The following ATF6 variants were observed in gnomAD, a reference collection of about 807,000 sequenced individuals.
The protein encoded by ATF6 is activating transcription factor 6, also known as cyclic AMP-dependent transcription factor ATF-6 alpha.
ATF6 carries 53 observed loss-of-function variants against 83.6 expected under a neutral mutation model. The ratio of observed to expected loss-of-function variants is 0.63; its 90% CI spans 0.51 to 0.80. The LOEUF (loss-of-function observed/expected upper bound fraction) is 0.80, where lower values mean the gene tolerates loss of function less well. ATF6 is among the 30% of genes least tolerant of loss of function. ATF6 has a pLI of 0.00. For missense variants in ATF6, 744 were observed against 797.9 expected, an observed-to-expected ratio of 0.93 and a Z score of 0.81; for synonymous variants, 288 against 285.8, an observed-to-expected ratio of 1.01 and a Z score of -0.08.
At chr1:161,791,309 C>T (rs12045480) in intron 4 of ATF6, 99 bp from the exon 5 acceptor site, 110,808 of 981,770 alleles carry the variant, frequency 0.11, 9,434 homozygotes, top group Admixed American at 0.35. Context: ...TGAAGTTACC[C>T]TGAAGTGTTT....
chr1:161,781,027 T>G (rs1472435815), intron 2 of ATF6, among the ~76,000 whole-genome samples: 30 of 152,234 alleles, frequency 2.0e-4, no homozygotes, highest in Non-Finnish European at 5.9e-5. Flanking sequence ...ATTGCATTAT[T>G]TATGTATTAA....
chr1:161,867,366 A>G (rs1392488574), intron 14 of ATF6, among the ~76,000 whole-genome samples: 2 of 152,156 alleles, frequency 1.3e-5, no homozygotes, highest in Non-Finnish European at 2.9e-5. Flanking sequence ...AATATAACAA[A>G]ATTAATTCAA....
intron 14 of ATF6, among the ~76,000 whole-genome samples, chr1:161,908,358 T>C (rs1034975833): frequency 6.6e-6 from 1 of 152,210 alleles, no homozygotes; most frequent in Non-Finnish European, 1.5e-5. Flanking sequence ...GAAACGTAAC[T>C]TTGAAGGCTG....
At chr1:161,788,875 C>T (rs1684807413) in intron 4 of ATF6, among the ~76,000 whole-genome samples, 1 of 152,038 alleles carries the variant, frequency 6.6e-6, no homozygotes, top group African/African-American at 2.4e-5. Flanking sequence ...TCTTTTATGC[C>T]TTAGTTCAGT....
intron 14 of ATF6, among the ~76,000 whole-genome samples, chr1:161,896,113 AATCGATAGATAG>A (rs1367806748): frequency 1.3e-5 from 2 of 152,180 alleles, no homozygotes; most frequent in Admixed American, 6.5e-5. Flanking sequence ...TCTATCCATC[AATCGATAGATAG>A]ATGTATTTGT....
chr1:161,846,575 C>T lies in ATF6; in HGVS notation c.1314C>T (p.Ser438=), dbSNP rs773665761. 1.2e-6 allele frequency: 2 copies of T among 1,601,154 alleles called. No individual in the cohort carries two copies. Among genetic ancestry groups the T allele is most frequent in the African/African-American group, 2.7e-5 (2 of 74,250 alleles). ...CAGATGGTATTATCCAGAAAAACAG[C>T]TACAGGTAAGATGGCATGCATCTAT... is the stretch of plus-strand genomic sequence containing the variant. ...DTSDGIIQKN[S]YRYDHSVSND... Residue 438 remains serine, a synonymous_variant, in exon 10 of 16, where the codon AGC becomes AGT. Coordinates refer to ENST00000367942, the MANE Select transcript of ATF6 (RefSeq NM_007348.4).
intron 14 of ATF6, among the ~76,000 whole-genome samples, chr1:161,887,247 C>CTT (rs5778239): frequency 2.2e-4 from 32 of 143,826 alleles, no homozygotes; most frequent in African/African-American, 7.6e-4. Flanking sequence ...AATTTTTGTG[C>CTT]TTTTTTTTTT....
intron 14 of ATF6, among the ~76,000 whole-genome samples, chr1:161,902,407 C>G (rs1284163256): frequency 2.0e-5 from 3 of 152,128 alleles, no homozygotes; most frequent in African/African-American, 7.2e-5. Flanking sequence ...TTCATTTATT[C>G]ATTTGTTGGC....
rs1689125647 is a variant in ATF6 at position 161,962,711 on chromosome 1, C to T, written c.*4057C>T. Reference sequence around the variant, plus strand: ...TTTTCCAGCCATGAAAGCCCTCTTTCCACTGCATACTGATGGGCTGACTCA... The same window carrying T: ...TTTTCCAGCCATGAAAGCCCTCTTTTCACTGCATACTGATGGGCTGACTCA... On this transcript the variant is annotated 3_prime_UTR_variant, in exon 16 of 16. Transcript: ENST00000367942. 6.6e-6 allele frequency: 1 copy of T among 152,212 alleles called. No homozygotes were observed. The highest frequency in any genetic ancestry group is 1.5e-5 in the Non-Finnish European group (1 of 68,042). The allele number at this position is 152,212 out of a possible 1,614,324, so 9.4% of individuals were successfully genotyped here. A position where few individuals can be genotyped will look rare whatever the true frequency, so the allele number is the denominator to read the frequency against.
At chr1:161,945,859 A>G (rs1446739654) in intron 15 of ATF6, among the ~76,000 whole-genome samples, 1 of 152,190 alleles carries the variant, frequency 6.6e-6, no homozygotes, top group Non-Finnish European at 1.5e-5. Flanking sequence ...TCTCATCTGA[A>G]CAGTCCCTGC....
chr1:161,887,042 T>A (rs1687435435), intron 14 of ATF6, among the ~76,000 whole-genome samples: 1 of 152,196 alleles, frequency 6.6e-6, no homozygotes, highest in East Asian at 1.9e-4. Flanking sequence ...GATATATTTG[T>A]CAACCCTAAC....
At chr1:161,777,461 C>G (rs1205944910) in intron 1 of ATF6, among the ~76,000 whole-genome samples, 2 of 152,130 alleles carry the variant, frequency 1.3e-5, no homozygotes, top group Non-Finnish European at 2.9e-5. Flanking sequence ...ATCATCAGAG[C>G]AGTTTCAGCA....
At chr1:161,927,038 A>G (rs1265322095) in intron 15 of ATF6, among the ~76,000 whole-genome samples, 6 of 152,174 alleles carry the variant, frequency 3.9e-5, no homozygotes, top group African/African-American at 1.2e-4. Context: ...AGTAATGTAC[A>G]GGTTTCAAAA....
At chr1:161,857,792 A>C (rs1459518827) in intron 12 of ATF6, among the ~76,000 whole-genome samples, 1 of 147,686 alleles carries the variant, frequency 6.8e-6, no homozygotes, top group Admixed American at 7.3e-5. Context: ...ATAGAAGTAA[A>C]ATATAAGACA....
chr1:161,833,368 G>A (rs1300871362), intron 9 of ATF6, among the ~76,000 whole-genome samples: 6 of 152,298 alleles, frequency 3.9e-5, no homozygotes, highest in South Asian at 2.1e-4. Context: ...CCAAAGGAAC[G>A]CAGCTCCTCA....
At chr1:161,819,195 A>G (rs1338085229) in intron 7 of ATF6, among the ~76,000 whole-genome samples, 2 of 152,168 alleles carry the variant, frequency 1.3e-5, no homozygotes, top group East Asian at 3.8e-4. Flanking sequence ...TTAGAGGGAG[A>G]TAGTTCAGTT....
Position 161,821,238 on chromosome 1 carries a change from A to G in ATF6, c.1187+77A>G, listed in dbSNP as rs34155964. ...CATTATTCTTTAGCTTTTGTCATAA[A>G]CTAGAGAAAAAATGATTTGTTTTTC... On this transcript the variant is annotated intron_variant, in intron 9 of 15. Coordinates refer to ENST00000367942, the MANE Select transcript of ATF6 (RefSeq NM_007348.4). 3.0e-5 allele frequency: 30 copies of G among 997,328 alleles called. No homozygotes were observed. In the East Asian group the frequency reaches 7.7e-4, roughly 26 times the overall value. 61.8% of individuals were successfully genotyped at this position (997,328 alleles called of 1,614,324 possible). A position where few individuals can be genotyped will look rare whatever the true frequency, so the allele number is the denominator to read the frequency against.
intron 6 of ATF6, among the ~76,000 whole-genome samples, chr1:161,793,477 C>A (rs1684933837): frequency 2.6e-5 from 4 of 152,136 alleles, no homozygotes; most frequent in Admixed American, 6.5e-5. Context: ...TTCATGAACT[C>A]CTTGAAACAA....
intron 14 of ATF6, among the ~76,000 whole-genome samples, chr1:161,900,045 T>C (rs1383601989): frequency 6.6e-6 from 1 of 150,590 alleles, no homozygotes; most frequent in African/African-American, 2.4e-5. Flanking sequence ...TAACTTTTGC[T>C]TCACAAACAT....
Sources: gnomAD v4.1 joint callset for allele counts (sites outside exome capture counted in the v4.1 genomes callset) on GRCh38, gnomAD v4.1.1 for gene constraint, MANE v1.5 for transcripts, NCBI Gene and HGNC (gene_info 2026-07-23, HGNC 2026-07-21) for gene names.